Variants in ZNF782 observed in about 807,000 individuals in gnomAD.
ZNF782 encodes the protein zinc finger protein 782.
Under a neutral mutation model 13.0 loss-of-function variants are expected in ZNF782, and 12 were observed. The observed-to-expected ratio is 0.92, with a 90% CI of 0.59 to 1.50. The LOEUF (loss-of-function observed/expected upper bound fraction) is 1.50. ZNF782 is among the 40% of genes most tolerant of loss of function. ZNF782 has a pLI of 0.00. For missense variants in ZNF782, 770 were observed against 822.9 expected (o/e 0.94, Z 0.79); for synonymous variants, 284 against 283.0 (o/e 1.00, Z -0.04).
chr9:96,888,183 AAAAAG>A, the ZNF782 span: 3 of 152,190 alleles, frequency 2.0e-5, no homozygotes, highest in Admixed American at 1.3e-4. Context: ...AAAGAAAAAA[AAAAAG>A]AAAATGAAAA....
the ZNF782 span, among the ~76,000 whole-genome samples, chr9:96,920,173 G>A: frequency 6.7e-6 from 1 of 149,922 alleles, no homozygotes; most frequent in Non-Finnish European, 1.5e-5. Flanking sequence ...AACTGGAAAG[G>A]GCACTTGGGG....
the ZNF782 span, chr9:96,887,286 A>AAAGT: frequency 8.2e-6 from 1 of 121,886 alleles, no homozygotes; most frequent in Non-Finnish European, 1.7e-5. Flanking sequence ...TGCAAAAAAG[A>AAAGT]AAGGAAGGAA....
chr9:96,880,903 T>TA, the ZNF782 span, among the ~76,000 whole-genome samples: 1 of 152,294 alleles, frequency 6.6e-6, no homozygotes, highest in Middle Eastern at 3.4e-3. Flanking sequence ...AAGGAAGACA[T>TA]CTATGCCTGG....
chr9:96,856,347 C>A (rs1315138549), upstream of ZNF782, among the ~76,000 whole-genome samples: 1 of 152,160 alleles, frequency 6.6e-6, no homozygotes, highest in East Asian at 1.9e-4. Flanking sequence ...AAGTTTATTT[C>A]TTGTCTGATG....
rs1343146561 is a variant in ZNF782, at chr9:96,817,874, G to A, written c.*49C>T. On this transcript the variant is annotated 3_prime_UTR_variant, in exon 6 of 6. Coordinates refer to ENST00000481138, the MANE Select transcript of ZNF782 (RefSeq NM_001001662.3). Reference sequence around the variant, plus strand: ...CTGTGTGTTCATTTATGTATTGTGAGGTTTGATTTCCAGCTCAGAGTTTTT... The same window carrying A: ...CTGTGTGTTCATTTATGTATTGTGAAGTTTGATTTCCAGCTCAGAGTTTTT... 2.0e-6 allele frequency: 3 copies of A among 1,472,504 alleles called. No homozygotes were observed. Among genetic ancestry groups the A allele is most frequent in the Admixed American group, 2.3e-5 (1 of 43,394 alleles). The allele number at this position is 1,472,504 out of a possible 1,614,324, so 91.2% of individuals were successfully genotyped here.
the ZNF782 span, among the ~76,000 whole-genome samples, chr9:96,933,144 AT>A: frequency 3.4e-5 from 5 of 148,990 alleles, no homozygotes; most frequent in South Asian, 2.1e-4. Flanking sequence ...TGCCCGGCTA[AT>A]TTTTTTGTAT....
the ZNF782 span, among the ~76,000 whole-genome samples, chr9:96,907,429 T>C: frequency 6.6e-6 from 1 of 152,252 alleles, no homozygotes; most frequent in Non-Finnish European, 1.5e-5. Context: ...TGCACAACAA[T>C]ATGAATATAT....
downstream of ZNF782, among the ~76,000 whole-genome samples, chr9:96,816,228 T>G (rs952706441): frequency 2.6e-5 from 4 of 152,306 alleles, no homozygotes; most frequent in African/African-American, 9.6e-5. Flanking sequence ...TAGACAGACA[T>G]GTTAGAAGGC....
rs150927776 is a variant in ZNF782, at chr9:96,820,906, C to G, written c.245-1128G>C. The stretch of plus-strand genomic sequence containing the variant: ...AACTTTTGTCTTTTCAGTTTGCTCA[C>G]TCATTTCCCTAAAACCAGCTTTGTC... On this transcript the variant is annotated intron_variant, in intron 5 of 5. Transcript: ENST00000481138. Among the ~76,000 whole-genome samples, 26 of 152,324 alleles carry G rather than the reference C, an allele frequency of 1.7e-4. No homozygotes were observed. The East Asian group carries it at 5.0e-3, about 29-fold the overall frequency.
chr9:96,878,050 T>C (rs1157165206), upstream of ZNF782, among the ~76,000 whole-genome samples: 1 of 152,252 alleles, frequency 6.6e-6, no homozygotes, highest in Non-Finnish European at 1.5e-5. Flanking sequence ...TTAAGTTCTG[T>C]ACTGAAAAAG....
chr9:96,903,991 C>A, the ZNF782 span, among the ~76,000 whole-genome samples: 1 of 151,850 alleles, frequency 6.6e-6, no homozygotes, highest in Non-Finnish European at 1.5e-5. Context: ...CCATTCCCAC[C>A]AGAAATGTGT....
chr9:96,875,291 T>C (rs1486566762), intron 1 of ZNF782, among the ~76,000 whole-genome samples: 1 of 152,208 alleles, frequency 6.6e-6, no homozygotes, highest in Non-Finnish European at 1.5e-5. Flanking sequence ...AAGTGTCTTC[T>C]AAATACAATA....
chr9:96,827,133 TCTC>T lies in ZNF782; in HGVS notation c.188_190del (p.Gly63del), dbSNP rs1480500940. On this transcript the variant is annotated inframe_deletion, in exon 5 of 6. Transcript: ENST00000481138. ...CTCTTTCTCTAATAACCATGGATCT[TCTC>T]CTTGTTCCAATGTGAAGATCAGTTC... 13 of 1,612,878 alleles carry T rather than the reference TCTC, an allele frequency of 8.1e-6. No individual in the cohort carries two copies. The highest frequency in any genetic ancestry group is 1.1e-5 in the Non-Finnish European group (13 of 1,179,528).
intron 5 of ZNF782, among the ~76,000 whole-genome samples, chr9:96,826,264 T>C (rs1442434182): frequency 2.0e-5 from 3 of 151,818 alleles, no homozygotes; most frequent in East Asian, 1.9e-4. Context: ...ATGGATGAAA[T>C]TGGAAATCAT....
At chr9:96,888,991 C>G in the ZNF782 span, 1 of 152,216 alleles carries the variant, frequency 6.6e-6, no homozygotes, top group African/African-American at 2.4e-5. Flanking sequence ...TCCTCAAGAG[C>G]TTTTTCCAAA....
chr9:96,871,544 T>C lies in ZNF782; in HGVS notation c.-457+3924A>G, dbSNP rs142963056. On this transcript the variant is annotated intron_variant, in intron 1 of 5. Coordinates refer to the ZNF782 transcript ENST00000498811. Reference sequence around the variant, plus strand: ...GTCAAGAAGGACTGAAACAAAAAATTAAAGGTTAATATTCAGGAGCTAGGC... The same window carrying C: ...GTCAAGAAGGACTGAAACAAAAAATCAAAGGTTAATATTCAGGAGCTAGGC... Among the ~76,000 whole-genome samples, 4 of 152,178 alleles carry C rather than the reference T, an allele frequency of 2.6e-5. No individual in the cohort carries two copies. The East Asian group carries it at 7.7e-4, about 29-fold the overall frequency.
the ZNF782 span, among the ~76,000 whole-genome samples, chr9:96,899,066 T>C: frequency 2.5e-4 from 37 of 149,372 alleles, no homozygotes; most frequent in African/African-American, 8.0e-4. Flanking sequence ...GTCTGCCCGA[T>C]TGTGAGTATT....
chr9:96,868,741 C>T (rs146868498), intron 1 of ZNF782, among the ~76,000 whole-genome samples: 73 of 152,188 alleles, frequency 4.8e-4, no homozygotes, highest in East Asian at 3.9e-3. Flanking sequence ...TTTCTTTCAT[C>T]GATAGGGTTC....
At chr9:96,903,879 A>C in the ZNF782 span, among the ~76,000 whole-genome samples, 5 of 151,888 alleles carry the variant, frequency 3.3e-5, no homozygotes, top group East Asian at 9.7e-4. Flanking sequence ...TTCATTTGCT[A>C]AGGTAAATAC....
Sources: allele counts gnomAD v4.1 joint callset (sites outside exome capture counted in the v4.1 genomes callset), GRCh38; gene constraint gnomAD v4.1.1; transcripts MANE v1.5; gene names NCBI Gene and HGNC (gene_info 2026-07-23, HGNC 2026-07-21).